Variants in TYW1 observed in about 807,000 individuals in gnomAD.
TYW1 encodes the protein S-adenosyl-L-methionine-dependent tRNA 4-demethylwyosine synthase TYW1.
In TYW1, 46 loss-of-function variants were observed where a neutral mutation model predicts 96.2. The ratio of observed to expected loss-of-function variants is 0.48; its 90% CI spans 0.38 to 0.61. The LOEUF is 0.61. Among genes scored for constraint, TYW1 ranks in the 20% least tolerant of loss-of-function variants. The pLI is 0.00. For missense variants in TYW1, 684 were observed against 909.6 expected (o/e 0.75, Z 3.19); for synonymous variants, 274 against 323.0 (o/e 0.85, Z 1.63).
chr7:67,149,419 A>G (rs1230590197), intron 13 of TYW1, among the ~76,000 whole-genome samples: 1 of 152,184 alleles, frequency 6.6e-6, no homozygotes, highest in African/African-American at 2.4e-5. Flanking sequence ...TGGGTCCATA[A>G]GAAACTCATA....
chr7:67,215,810 G>T (rs1801182863), intron 15 of TYW1, among the ~76,000 whole-genome samples: 1 of 152,120 alleles, frequency 6.6e-6, no homozygotes, highest in Non-Finnish European at 1.5e-5. Context: ...TCCAGCATGG[G>T]AGAGAGATGT....
intron 15 of TYW1, among the ~76,000 whole-genome samples, chr7:67,199,304 C>T (rs1195735803): frequency 6.6e-5 from 10 of 152,172 alleles, no homozygotes; most frequent in Non-Finnish European, 2.9e-5. Context: ...ACTGTGTTGG[C>T]GACGTGTCCT....
chr7:67,220,360 T>C (rs367836084), intron 15 of TYW1, among the ~76,000 whole-genome samples: 11 of 151,798 alleles, frequency 7.2e-5, no homozygotes, highest in Non-Finnish European at 8.8e-5. Context: ...CCTGCCACCA[T>C]GCCTGGCTAA....
chr7:67,109,135 G>A (rs1349012616), intron 12 of TYW1, among the ~76,000 whole-genome samples: 1 of 151,772 alleles, frequency 6.6e-6, no homozygotes, highest in Admixed American at 6.6e-5. Flanking sequence ...TTAGCCGGGC[G>A]CAGTGGCGGG....
chr7:67,236,681 T>TTC (rs1801900051), intron 15 of TYW1, among the ~76,000 whole-genome samples: 1 of 152,188 alleles, frequency 6.6e-6, no homozygotes, highest in Admixed American at 6.5e-5. Context: ...ACAAGAAAAT[T>TTC]TCTTCTAATT....
chr7:67,173,195 T>G (rs1223288605), intron 13 of TYW1, among the ~76,000 whole-genome samples: 8 of 152,154 alleles, frequency 5.3e-5, no homozygotes, highest in Non-Finnish European at 1.0e-4. Flanking sequence ...ACTTTTTTTC[T>G]CAGAGTAATA....
chr7:67,217,836 G>A (rs1401441178), intron 15 of TYW1, among the ~76,000 whole-genome samples: 1 of 139,518 alleles, frequency 7.2e-6, no homozygotes, highest in African/African-American at 2.6e-5. Flanking sequence ...ACTTTGGGTA[G>A]TGTTGATGTC....
chr7:66,998,055 T>G lies in TYW1; in HGVS notation c.5-10T>G. The G allele has an allele frequency of 6.3e-7, 1 of 1,576,690 alleles. No homozygotes were observed. Among genetic ancestry groups the G allele is most frequent in the African/African-American group, 1.4e-5 (1 of 72,658 alleles). Reference sequence around the variant, plus strand: ...TTTAAATGAAATTGTGTGTGTCATTTTAAATTTAGATCCTTCTGCGGATAC... The same window carrying G: ...TTTAAATGAAATTGTGTGTGTCATTGTAAATTTAGATCCTTCTGCGGATAC... On this transcript the variant is annotated splice_polypyrimidine_tract_variant and intron_variant, in intron 1 of 15. Transcript: ENST00000359626.
intron 12 of TYW1, among the ~76,000 whole-genome samples, chr7:67,103,235 A>G (rs1169689549): frequency 6.6e-6 from 1 of 152,226 alleles, no homozygotes; most frequent in South Asian, 2.1e-4. Flanking sequence ...TCTGGTAGAC[A>G]TGGGTTGAGG....
chr7:67,123,308 A>G (rs962811552), intron 13 of TYW1, among the ~76,000 whole-genome samples: 1 of 152,106 alleles, frequency 6.6e-6, no homozygotes, highest in Non-Finnish European at 1.5e-5. Flanking sequence ...ATTTAATGCC[A>G]TTTTACCCTG....
intron 13 of TYW1, among the ~76,000 whole-genome samples, chr7:67,180,707 G>A (rs79006071): frequency 0.28 from 42,602 of 151,632 alleles, 6,512 homozygotes; most frequent in African/African-American, 0.4. Flanking sequence ...CAGTGGTGCA[G>A]TCTTGGCCCA....
chr7:67,001,831 G>A (rs190402267), intron 3 of TYW1, among the ~76,000 whole-genome samples: 2 of 151,874 alleles, frequency 1.3e-5, no homozygotes, highest in African/African-American at 2.4e-5. Flanking sequence ...CCAGGAGTTC[G>A]AGACCAGCCT....
chr7:67,028,232 C>G (rs1321755220), intron 7 of TYW1, among the ~76,000 whole-genome samples: 1 of 137,762 alleles, frequency 7.3e-6, no homozygotes, highest in Non-Finnish European at 1.5e-5. Context: ...GAGCAAGACT[C>G]TGTCTCAAAA....
chr7:67,208,453 A>C (rs1196774165), intron 15 of TYW1, among the ~76,000 whole-genome samples: 1 of 152,180 alleles, frequency 6.6e-6, no homozygotes, highest in Non-Finnish European at 1.5e-5. Context: ...GCACTTTGGG[A>C]GGCCGAGGTG....
chr7:67,053,960 G>A (rs1187313452), intron 8 of TYW1, among the ~76,000 whole-genome samples: 2 of 152,144 alleles, frequency 1.3e-5, no homozygotes, highest in Non-Finnish European at 2.9e-5. Flanking sequence ...ACTGGGCTTC[G>A]CTTGGGTAGT....
At chr7:67,118,923 A>T (rs6460322) in intron 13 of TYW1, among the ~76,000 whole-genome samples, 40,827 of 146,568 alleles carry the variant, frequency 0.28, 6,642 homozygotes, top group African/African-American at 0.44. Flanking sequence ...TGCAAATAGT[A>T]TACATTTAAA....
At chr7:67,144,553 C>T (rs1376872257) in intron 13 of TYW1, among the ~76,000 whole-genome samples, 1 of 152,144 alleles carries the variant, frequency 6.6e-6, no homozygotes, top group Admixed American at 6.5e-5. Flanking sequence ...CTCACTGCAG[C>T]CTCCACCTCC....
chr7:67,121,159 T>G (rs1797747875), intron 13 of TYW1, among the ~76,000 whole-genome samples: 1 of 152,214 alleles, frequency 6.6e-6, no homozygotes, highest in East Asian at 1.9e-4. Flanking sequence ...GTAGATGCTA[T>G]TAAGAAAGAT....
intron 13 of TYW1, among the ~76,000 whole-genome samples, chr7:67,181,491 G>C (rs577657835): frequency 2.6e-5 from 4 of 152,044 alleles, no homozygotes; most frequent in Non-Finnish European, 4.4e-5. Context: ...CCTTATTAAC[G>C]ATCTCTTAGT....
Sources: gnomAD v4.1 joint callset for allele counts (sites outside exome capture counted in the v4.1 genomes callset) on GRCh38, gnomAD v4.1.1 for gene constraint, MANE v1.5 for transcripts, NCBI Gene and HGNC (gene_info 2026-07-23, HGNC 2026-07-21) for gene names.